The following NCR2 variants were observed in gnomAD, a reference collection of about 807,000 sequenced individuals.
NCR2 encodes the protein natural cytotoxicity triggering receptor 2, also known as NK cell activating receptor (NKp44).
Under a neutral mutation model 30.7 loss-of-function variants are expected in NCR2, and 35 were observed. That is an observed-to-expected ratio of 1.14 (90% CI 0.87 to 1.51). The LOEUF is 1.51. Among genes scored for constraint, NCR2 ranks in the 40% most tolerant of loss-of-function variants. The probability of loss-of-function intolerance (pLI) is 0.00; values close to 1 mark genes in which losing one functional copy is unlikely to be tolerated. For missense variants in NCR2, 316 were observed against 328.9 expected, an observed-to-expected ratio of 0.96 and a Z score of 0.30; for synonymous variants, 146 against 134.8, an observed-to-expected ratio of 1.08 and a Z score of -0.58.
intron 4 of NCR2, among the ~76,000 whole-genome samples, chr6:41,349,170 TA>T (rs1182451322): frequency 6.8e-6 from 1 of 147,708 alleles, no homozygotes; most frequent in Admixed American, 6.8e-5. Context: ...AAATAAATTA[TA>T]ATTTTATATA....
intron 4 of NCR2, among the ~76,000 whole-genome samples, chr6:41,350,158 C>T (rs1254834526): frequency 2.0e-5 from 3 of 152,188 alleles, no homozygotes; most frequent in African/African-American, 7.2e-5. Context: ...TACCCCGAGT[C>T]TTCTTATTGG....
At chr6:41,337,532 G>T (rs1380800461) in intron 2 of NCR2, among the ~76,000 whole-genome samples, 1 of 152,182 alleles carries the variant, frequency 6.6e-6, no homozygotes, top group Non-Finnish European at 1.5e-5. Context: ...TGTGACAAAT[G>T]AGCACTTTTC....
intron 4 of NCR2, among the ~76,000 whole-genome samples, chr6:41,345,588 G>GC (rs1769280844): frequency 6.6e-6 from 1 of 151,796 alleles, no homozygotes; most frequent in East Asian, 1.9e-4. Flanking sequence ...AAGACTCCTG[G>GC]CCCCCTCCCC....
At position 41,350,884 on chromosome 6, in the gene NCR2, G is replaced by A. The variant is rs753221530; in HGVS notation, c.*20G>A. ...TTGTGAATAATAAAATTATCTGAAT[G>A]TTTTATTCCTGTTGTTTCCTAAGTT... On this transcript the variant is annotated 3_prime_UTR_variant, in exon 5 of 5. Coordinates refer to ENST00000373089, the MANE Select transcript of NCR2 (RefSeq NM_004828.4). 3 of 796,998 alleles carry A rather than the reference G, an allele frequency of 3.8e-6. No individual in the cohort carries two copies. The highest frequency in any genetic ancestry group is 2.5e-5 in the East Asian group (1 of 40,620). 49.4% of individuals were successfully genotyped at this position (796,998 alleles called of 1,614,324 possible).
At position 41,350,859 on chromosome 6, in the gene NCR2, T is replaced by C. The variant is rs766861294; in HGVS notation, c.826T>C (p.Leu276=). The C allele has an allele frequency of 2.4e-6, 2 of 832,300 alleles. No individual in the cohort carries two copies. Among genetic ancestry groups the C allele is most frequent in the South Asian group, 2.8e-5 (2 of 71,496 alleles). The allele number at this position is 832,300 out of a possible 1,614,324, so 51.6% of individuals were successfully genotyped here. A position where few individuals can be genotyped will look rare whatever the true frequency, so the allele number is the denominator to read the frequency against. The part of the protein sequence containing the change: ...KISDDDDEHT[L] ...AAGCGATGATGATGATGAACACACTTTGTGAATAATAAAATTATCTGAATG... is the reference window on the plus strand; with the variant it reads ...AAGCGATGATGATGATGAACACACTCTGTGAATAATAAAATTATCTGAATG... Residue 276 remains leucine (L), a synonymous_variant, in exon 5 of 5, where the codon TTG becomes CTG. Coordinates refer to ENST00000373089, the MANE Select transcript of NCR2 (RefSeq NM_004828.4).
At chr6:41,337,683 T>A (rs1192703412) in intron 2 of NCR2, among the ~76,000 whole-genome samples, 1 of 152,186 alleles carries the variant, frequency 6.6e-6, no homozygotes, top group East Asian at 1.9e-4. Flanking sequence ...GGAGGTATAA[T>A]GTCAGAAATA....
At position 41,350,827 on chromosome 6, in the gene NCR2, C is replaced by A. The variant is rs747229825; in HGVS notation, c.794C>A (p.Thr265Asn). 1 of 991,742 alleles carries A rather than the reference C, an allele frequency of 1.0e-6. No homozygotes were observed. Among genetic ancestry groups the A allele is most frequent in the Admixed American group, 1.7e-5 (1 of 57,978 alleles). 61.4% of individuals were successfully genotyped at this position (991,742 alleles called of 1,614,324 possible). A position where few individuals can be genotyped will look rare whatever the true frequency, so the allele number is the denominator to read the frequency against. ...ATATTATATCACACTGTTGCAAGGA[C>A]TAAGATAAGCGATGATGATGATGAA... ...REILYHTVAR[T>N]KISDDDDEHT... The change falls in exon 5 of 5, where the codon ACT (threonine) becomes AAT (asparagine). Residue 265 changes from threonine to asparagine, a missense_variant. Coordinates refer to ENST00000373089, the MANE Select transcript of NCR2 (RefSeq NM_004828.4).
At chr6:41,349,774 T>C (rs1769385777) in intron 4 of NCR2, among the ~76,000 whole-genome samples, 1 of 152,226 alleles carries the variant, frequency 6.6e-6, no homozygotes, top group African/African-American at 2.4e-5. Context: ...CAAAGGATTT[T>C]ACAGCATAGC....
chr6:41,337,871 C>T (rs183591814), intron 2 of NCR2, among the ~76,000 whole-genome samples: 7 of 152,280 alleles, frequency 4.6e-5, no homozygotes, highest in African/African-American at 1.4e-4. Flanking sequence ...AATATGGATT[C>T]TAGATCTATG....
chr6:41,349,605 T>C (rs1408245103), intron 4 of NCR2, among the ~76,000 whole-genome samples: 3 of 152,162 alleles, frequency 2.0e-5, no homozygotes, highest in African/African-American at 4.8e-5. Context: ...ATCACAAAAG[T>C]AAGGTTCAGG....
At chr6:41,344,824 C>T (rs567408596) in intron 4 of NCR2, among the ~76,000 whole-genome samples, 102 of 152,334 alleles carry the variant, frequency 6.7e-4, no homozygotes, top group Non-Finnish European at 9.4e-4. Flanking sequence ...GCTTAGAAGC[C>T]CCATGCGGGC....
At chr6:41,345,416 C>G (rs1769277412) in intron 4 of NCR2, among the ~76,000 whole-genome samples, 1 of 152,142 alleles carries the variant, frequency 6.6e-6, no homozygotes, top group Non-Finnish European at 1.5e-5. Context: ...CTCTGTTTAT[C>G]TTTGAGGATG....
chr6:41,343,108 G>T, intron 4 of NCR2: 2 of 1,232,420 alleles, frequency 1.6e-6, no homozygotes, highest in Non-Finnish European at 2.3e-6. Flanking sequence ...CAAAGAAAAG[G>T]CCAGGACTTG....
intron 2 of NCR2, 143 bp downstream of exon 2, chr6:41,336,571 G>C (rs756193777): frequency 1.5e-6 from 1 of 655,246 alleles, no homozygotes; most frequent in East Asian, 2.7e-5. Context: ...GGTGCAGGGG[G>C]AACTCATATG....
intron 4 of NCR2, among the ~76,000 whole-genome samples, chr6:41,343,208 C>A (rs1237480461): frequency 7.2e-5 from 11 of 152,270 alleles, no homozygotes; most frequent in Non-Finnish European, 1.3e-4. Context: ...CGGCCAGCAC[C>A]CCGTTGTGGG....
chr6:41,336,713 G>C (rs993525041), intron 2 of NCR2, among the ~76,000 whole-genome samples: 1 of 152,138 alleles, frequency 6.6e-6, no homozygotes, highest in African/African-American at 2.4e-5. Context: ...AGGAGGGCAG[G>C]ACCACCCGGC....
chr6:41,349,443 G>T (rs1769379749), intron 4 of NCR2, among the ~76,000 whole-genome samples: 1 of 152,248 alleles, frequency 6.6e-6, no homozygotes, highest in South Asian at 2.1e-4. Context: ...GTGACTCTTA[G>T]TGTGCTCTTG....
chr6:41,344,105 C>T (rs777719984), intron 4 of NCR2, among the ~76,000 whole-genome samples: 14 of 152,212 alleles, frequency 9.2e-5, no homozygotes, highest in Non-Finnish European at 1.6e-4. Flanking sequence ...CTTCAGTCCC[C>T]GCCTCCTAGA....
chr6:41,349,952 C>A (rs1407186676), intron 4 of NCR2, among the ~76,000 whole-genome samples: 2 of 152,156 alleles, frequency 1.3e-5, no homozygotes, highest in African/African-American at 4.8e-5. Context: ...TCACAATGAG[C>A]CACAAGAAGA....
Sources: gnomAD v4.1 joint callset for allele counts (sites outside exome capture counted in the v4.1 genomes callset) on GRCh38, gnomAD v4.1.1 for gene constraint, MANE v1.5 for transcripts, NCBI Gene and HGNC (gene_info 2026-07-23, HGNC 2026-07-21) for gene names.